KLHL20: variants seen among roughly 807,000 people sequenced by gnomAD.
KLHL20 encodes the protein kelch like family member 20.
In KLHL20, 29 loss-of-function variants were observed where a neutral mutation model predicts 69.5. The ratio of observed to expected loss-of-function variants is 0.42; its 90% CI spans 0.31 to 0.57. The LOEUF (loss-of-function observed/expected upper bound fraction) is 0.57. KLHL20 is among the 20% of genes least tolerant of loss of function. The pLI is 0.18. For missense variants in KLHL20, 419 were observed against 776.0 expected, an observed-to-expected ratio of 0.54 and a Z score of 5.47; for synonymous variants, 253 against 265.2, an observed-to-expected ratio of 0.95 and a Z score of 0.45.
At chr1:173,772,164 C>T (rs970666762) in intron 8 of KLHL20, among the ~76,000 whole-genome samples, 1 of 152,174 alleles carries the variant, frequency 6.6e-6, no homozygotes, top group Non-Finnish European at 1.5e-5. Flanking sequence ...CAGATTGTAT[C>T]TTGAAATTTT....
chr1:173,753,847 G>C (rs1023783290), intron 5 of KLHL20, among the ~76,000 whole-genome samples: 17 of 151,878 alleles, frequency 1.1e-4, no homozygotes, highest in Admixed American at 1.0e-3. Context: ...TTTTTCAAAG[G>C]GGGGGAAAAA....
intron 3 of KLHL20, among the ~76,000 whole-genome samples, chr1:173,739,935 C>A (rs975174330): frequency 3.9e-5 from 6 of 152,208 alleles, no homozygotes; most frequent in South Asian, 2.1e-4. Context: ...GCCACCACGC[C>A]CAGCCCCATT....
In KLHL20 at chr1:173,724,050, G is replaced by A. The variant is rs1387463139; in HGVS notation, c.23+7984G>A. Among the ~76,000 whole-genome samples, 4 of 152,012 alleles carry A rather than the reference G, an allele frequency of 2.6e-5. No homozygotes were observed. The East Asian group carries it at 5.8e-4, about 22-fold the overall frequency. ...ATATTTTATGTATACATTTTGATGA[G>A]TTTGGGCATATGTATATACCCATGA... On this transcript the variant is annotated intron_variant, in intron 2 of 11. Transcript: ENST00000209884.
intron 4 of KLHL20, 41 bp downstream of exon 4, chr1:173,751,963 C>A (rs997168653): frequency 6.3e-6 from 10 of 1,576,724 alleles, no homozygotes; most frequent in Non-Finnish European, 8.7e-6. Flanking sequence ...GCTGACCGGG[C>A]ATGGTGGCTC....
intron 3 of KLHL20, among the ~76,000 whole-genome samples, chr1:173,745,770 C>T (rs1373758552): frequency 1.7e-4 from 26 of 152,032 alleles, no homozygotes; most frequent in Admixed American, 1.7e-3. Flanking sequence ...ATTGTACATA[C>T]TTATTTGTTT....
At chr1:173,764,270 C>G (rs1647528060) in intron 7 of KLHL20, among the ~76,000 whole-genome samples, 1 of 152,190 alleles carries the variant, frequency 6.6e-6, no homozygotes, top group African/African-American at 2.4e-5. Flanking sequence ...TTCTACACCA[C>G]TGGTGGCAAT....
intron 2 of KLHL20, among the ~76,000 whole-genome samples, chr1:173,731,857 AG>A (rs1672294305): frequency 6.6e-6 from 1 of 152,180 alleles, no homozygotes; most frequent in African/African-American, 2.4e-5. Context: ...TAAAACTTAA[AG>A]TATAATTAAA....
intron 2 of KLHL20, among the ~76,000 whole-genome samples, chr1:173,717,484 C>T (rs1267950789): frequency 6.6e-6 from 1 of 152,200 alleles, no homozygotes; most frequent in Non-Finnish European, 1.5e-5. Flanking sequence ...CTTTCACCTG[C>T]TTCCTACATT....
chr1:173,756,408 G>A lies in KLHL20; in HGVS notation c.967+370G>A, dbSNP rs561906105. ...TGGCTGAGTGTGGTAGTGCATGTCT[G>A]TAGTCCCAGCTACTTGGGAGGCTGA... On this transcript the variant is annotated intron_variant, in intron 6 of 11. Coordinates refer to ENST00000209884, the MANE Select transcript of KLHL20 (RefSeq NM_014458.4). Among the ~76,000 whole-genome samples the A allele has an allele frequency of 1.8e-4, 27 of 147,992 alleles. 2 individuals are homozygous for A. In the South Asian group the frequency reaches 5.4e-3, roughly 29 times the overall value.
chr1:173,782,323 G>T, intron 11 of KLHL20, 93 bp downstream of exon 11: 1 of 835,990 alleles, frequency 1.2e-6, no homozygotes. Context: ...GGGATGGTCA[G>T]TACATTGGAG....
intron 5 of KLHL20, among the ~76,000 whole-genome samples, chr1:173,755,279 A>C (rs6660825): frequency 6.6e-6 from 1 of 151,844 alleles, no homozygotes. Context: ...GGATGGTCTC[A>C]ATCTCTTGAC....
chr1:173,785,781 C>T lies in KLHL20; in HGVS notation c.*534C>T, dbSNP rs1649172118. On this transcript the variant is annotated 3_prime_UTR_variant, in exon 12 of 12. Transcript: ENST00000209884. The stretch of plus-strand genomic sequence containing the variant: ...AAAACAAAAAAACAAGAAAAGGCAA[C>T]ATCTCATTTTAAATAGTACAATTCA... 1 of 150,988 alleles carries T rather than the reference C, an allele frequency of 6.6e-6. No homozygotes were observed. Among genetic ancestry groups the T allele is most frequent in the South Asian group, 2.1e-4 (1 of 4,808 alleles). The allele number at this position is 150,988 out of a possible 1,614,324, so 9.4% of individuals were successfully genotyped here. A position where few individuals can be genotyped will look rare whatever the true frequency, so the allele number is the denominator to read the frequency against.
intron 2 of KLHL20, among the ~76,000 whole-genome samples, chr1:173,719,336 G>A (rs1671613715): frequency 6.6e-6 from 1 of 151,900 alleles, no homozygotes; most frequent in South Asian, 2.1e-4. Context: ...GTTCTGGCTG[G>A]GCGCAGTGGC....
At position 173,775,681 on chromosome 1, in the gene KLHL20, A is replaced by G. The variant is rs147125826; in HGVS notation, c.1477A>G (p.Met493Val). The change falls in exon 10 of 12, where the codon ATG becomes GTG. Residue 493 changes from methionine to valine, a missense_variant. Around this residue, in one of 6 missense-constraint regions of KLHL20, gnomAD observed 56 missense variants for 75.9 expected, o/e 0.74. Transcript: ENST00000209884. ...AAACAGATGGCACACTATAGCCCCT[A>G]TGGGGACCCGGAGGAAACACCTAGG... ...QENRWHTIAPMGTRRKHLGCA... is the reference protein window; with the variant it reads ...QENRWHTIAPVGTRRKHLGCA... 43 of 1,614,100 alleles carry G rather than the reference A, an allele frequency of 2.7e-5. No homozygotes were observed. Among genetic ancestry groups the G allele is most frequent in the African/African-American group, 4.0e-5 (3 of 74,946 alleles).
intron 7 of KLHL20, among the ~76,000 whole-genome samples, chr1:173,765,544 C>G (rs377099571): frequency 8.6e-5 from 13 of 151,980 alleles, no homozygotes; most frequent in East Asian, 5.8e-4. Flanking sequence ...TACAGTAATT[C>G]TACCTATCAC....
chr1:173,768,017 A>C (rs1647842108), intron 8 of KLHL20, among the ~76,000 whole-genome samples: 1 of 152,210 alleles, frequency 6.6e-6, no homozygotes, highest in Non-Finnish European at 1.5e-5. Flanking sequence ...TATTCTATAT[A>C]TATCAAGCAT....
At chr1:173,734,552 G>A (rs1288399889) in intron 3 of KLHL20, 4 of 410,856 alleles carry the variant, frequency 9.7e-6, no homozygotes, top group Non-Finnish European at 1.8e-5. Context: ...TTATTTATAA[G>A]CCAAAATAGA....
At chr1:173,765,071 A>AG (rs1647603257) in intron 7 of KLHL20, among the ~76,000 whole-genome samples, 1 of 152,184 alleles carries the variant, frequency 6.6e-6, no homozygotes, top group Non-Finnish European at 1.5e-5. Flanking sequence ...TTTGGAAATA[A>AG]GGAAGATGCA....
intron 7 of KLHL20, among the ~76,000 whole-genome samples, chr1:173,762,105 T>C (rs866812684): frequency 6.6e-6 from 1 of 151,988 alleles, no homozygotes; most frequent in Non-Finnish European, 1.5e-5. Context: ...TTTACACATA[T>C]AAACTAGAAA....
Sources: allele counts gnomAD v4.1 joint callset (sites outside exome capture counted in the v4.1 genomes callset), GRCh38; gene constraint gnomAD v4.1.1; regional missense constraint gnomAD v4.1.1; transcripts MANE v1.5; gene names NCBI Gene and HGNC (gene_info 2026-07-23, HGNC 2026-07-21).